TCIRG1: variants seen among roughly 807,000 people sequenced by gnomAD.
The protein encoded by TCIRG1 is V-type proton ATPase 116 kDa subunit a 3.
A neutral mutation model predicts 95.5 loss-of-function variants in TCIRG1; 86 were observed. The ratio of observed to expected loss-of-function variants is 0.90; its 90% CI spans 0.76 to 1.08. The LOEUF (loss-of-function observed/expected upper bound fraction) is 1.08, where lower values mean the gene tolerates loss of function less well. Among genes scored for constraint, TCIRG1 ranks in the 50% least tolerant of loss-of-function variants. The pLI, the probability that TCIRG1 is intolerant of heterozygous loss-of-function variation, is 0.00. For missense variants in TCIRG1, 1,069 were observed against 1,140.2 expected (o/e 0.94, Z 0.90); for synonymous variants, 499 against 501.3 (o/e 1.00, Z 0.06).
At chr11:68,042,345 C>G (rs1855208039) in intron 3 of TCIRG1, among the ~76,000 whole-genome samples, 1 of 152,212 alleles carries the variant, frequency 6.6e-6, no homozygotes, top group Non-Finnish European at 1.5e-5. Context: ...AATGATCAGG[C>G]AGACACAGGA....
rs1167323106 is a variant in TCIRG1 at position 68,048,859 on chromosome 11, C to T, written c.1555-20C>T. On this transcript the variant is annotated intron_variant, in intron 13 of 19. Transcript: ENST00000265686. ...GGCGAGGGAGCCCCTGAGTCCAGCC[C>T]ACCCCTGCTGCCACCCTAGATTTGG... 1 of 1,574,522 alleles carries T rather than the reference C, an allele frequency of 6.4e-7. No individual in the cohort carries two copies.
At chr11:68,045,788 C>T (rs992861638) in intron 10 of TCIRG1, among the ~76,000 whole-genome samples, 1 of 152,182 alleles carries the variant, frequency 6.6e-6, no homozygotes, top group Non-Finnish European at 1.5e-5. Context: ...CCCGACCTCA[C>T]GTGATCCACC....
chr11:68,043,247 G>A, intron 5 of TCIRG1, 124 bp from the exon 6 acceptor site: 1 of 1,479,780 alleles, frequency 6.8e-7, no homozygotes, highest in Non-Finnish European at 8.9e-7. Context: ...GCCTTCCCCT[G>A]TGGGCAGGGC....
At position 68,048,964 on chromosome 11, in the gene TCIRG1, C is replaced by T. The variant is rs1212925249; in HGVS notation, c.1640C>T (p.Ala547Val). 1 of 1,613,726 alleles carries T rather than the reference C, an allele frequency of 6.2e-7. No individual in the cohort carries two copies. Among genetic ancestry groups the T allele is most frequent in the East Asian group, 2.2e-5 (1 of 44,884 alleles). The change falls in exon 14 of 20, where the codon GCC (alanine) becomes GTC (valine). Residue 547 changes from alanine to valine, a missense_variant. Ala to Val is a moderately conservative substitution (Grantham distance 64, BLOSUM62 0). Coordinates refer to ENST00000265686, the MANE Select transcript of TCIRG1 (RefSeq NM_006019.4). Reference sequence around the variant, plus strand: ...GTCATCCTGGGCGTCGTGCACATGGCCTTTGGGGTGGTCCTCGGAGTCTTC... The same window carrying T: ...GTCATCCTGGGCGTCGTGCACATGGTCTTTGGGGTGGTCCTCGGAGTCTTC... The part of the protein sequence containing the change: ...MSVILGVVHM[A>V]FGVVLGVFNH...
chr11:68,053,742 A>G (rs1053534311), downstream of TCIRG1: 11 of 434,618 alleles, frequency 2.5e-5, no homozygotes, highest in Admixed American at 2.5e-4. Context: ...GGATTCAGAG[A>G]TGTTGCACTA....
intron 9 of TCIRG1, 83 bp downstream of exon 9, chr11:68,044,427 C>T (rs1855363639): frequency 1.7e-6 from 2 of 1,146,498 alleles, no homozygotes; most frequent in African/African-American, 3.1e-5. Flanking sequence ...CAGCCTCTGG[C>T]TCCCTGCACC....
chr11:68,052,068 G>A (rs769992586), downstream of TCIRG1: 2 of 152,598 alleles, frequency 1.3e-5, no homozygotes, highest in Non-Finnish European at 2.9e-5. Context: ...ATGGACATAG[G>A]GAGACATAGG....
chr11:68,044,340 G>T lies in TCIRG1; in HGVS notation c.1016G>T (p.Ser339Ile). Residue 339 changes from serine (S) to isoleucine (I), a missense_variant, in exon 9 of 20, where the codon AGC becomes ATC. Coordinates refer to ENST00000265686, the MANE Select transcript of TCIRG1 (RefSeq NM_006019.4). ...LPALQEALRD[S>I]SMEEGVSAVA... ...GCCCTGCAGGAGGCCCTGCGGGACA[G>T]CTCGGTGAGCAGCCTGAGGCCTCGC... 1 of 1,580,346 alleles carries T rather than the reference G, an allele frequency of 6.3e-7. No homozygotes were observed. Among genetic ancestry groups the T allele is most frequent in the South Asian group, 1.1e-5 (1 of 87,086 alleles).
At chr11:68,043,238 C>T in intron 5 of TCIRG1, 133 bp from the exon 6 acceptor site, 1 of 1,476,406 alleles carries the variant, frequency 6.8e-7, no homozygotes, top group Admixed American at 2.4e-5. Flanking sequence ...AGGCCTCCTG[C>T]CTTCCCCTGT....
rs1489993984 is a variant in TCIRG1, at chr11:68,047,543, C to T, written c.1276C>T (p.Arg426Ter). The change falls in exon 11 of 20, where the codon CGA becomes TGA. Residue 426 changes from arginine to a stop codon, truncating the protein, a stop_gained. Coordinates refer to ENST00000265686, the MANE Select transcript of TCIRG1 (RefSeq NM_006019.4). LOFTEE classifies it high-confidence loss of function. ...FALAMVLAENRPAVKAAQNEI... is the reference protein window; with the variant it reads ...FALAMVLAEN ...CCTGGCCATGGTCCTTGCGGAGAAC[C>T]GACCGGCTGTGAAGGCCGCGCAGAA... 11 of 1,613,796 alleles carry T rather than the reference C, an allele frequency of 6.8e-6. No individual in the cohort carries two copies. The highest frequency in any genetic ancestry group is 8.5e-6 in the Non-Finnish European group (10 of 1,180,014).
chr11:68,044,996 C>T lies in TCIRG1; in HGVS notation c.1059C>T (p.Pro353=), dbSNP rs1855403921. Residue 353 remains proline (P), a synonymous_variant, in exon 10 of 20, where the codon CCC becomes CCT. Coordinates refer to ENST00000265686, the MANE Select transcript of TCIRG1 (RefSeq NM_006019.4). ...TGAGTGCCGTGGCTCACCGCATCCC[C>T]TGCCGGGACATGCCCCCCACACTCA... ...EGVSAVAHRI[P]CRDMPPTLIR... 1 of 1,608,830 alleles carries T rather than the reference C, an allele frequency of 6.2e-7. No homozygotes were observed. The highest frequency in any genetic ancestry group is 1.3e-5 in the African/African-American group (1 of 74,956).
At chr11:68,045,904 C>T (rs1855459201) in intron 10 of TCIRG1, among the ~76,000 whole-genome samples, 1 of 152,202 alleles carries the variant, frequency 6.6e-6, no homozygotes, top group Admixed American at 6.5e-5. Flanking sequence ...GGCTCCACCA[C>T]ATCACACCCA....
intron 10 of TCIRG1, among the ~76,000 whole-genome samples, chr11:68,046,402 C>G (rs562338710): frequency 5.3e-5 from 8 of 152,286 alleles, no homozygotes; most frequent in Non-Finnish European, 1.2e-4. Context: ...CTGAGGCTGT[C>G]CAGGAAGATC....
intron 3 of TCIRG1, 48 bp from the exon 4 acceptor site, chr11:68,042,595 T>TCCC: frequency 1.4e-6 from 2 of 1,460,012 alleles, no homozygotes; most frequent in Non-Finnish European, 9.4e-7. Context: ...GGCCCTCAAC[T>TCCC]GTTGAGACAA....
Position 68,041,396 on chromosome 11 carries a change from G to T in TCIRG1, c.117+8G>T. 1 of 1,597,216 alleles carries T rather than the reference G, an allele frequency of 6.3e-7. No homozygotes were observed. ...CTCGTGGAGTTCAGAGACGTGAGTT[G>T]GGTGGGCAGGCGTGGGAAGGGGGCT... On this transcript the variant is annotated splice_region_variant and intron_variant, in intron 2 of 19. Transcript: ENST00000265686.
intron 2 of TCIRG1, 82 bp downstream of exon 2, chr11:68,041,470 C>A (rs999154250): frequency 6.7e-6 from 7 of 1,043,798 alleles, no homozygotes; most frequent in African/African-American, 1.6e-5. Flanking sequence ...ACTGCCCCCC[C>A]TCCGCCATAG....
rs3808973 is a variant in TCIRG1 at position 68,042,830 on chromosome 11, C to A, written c.384C>A (p.His128Gln). ...LRAQLHQLQL[H>Q]AAVLRQGHEP... ...CCCAGCTGCACCAGCTGCAGCTCCA[C>A]GCCGCCGTGCTACGCCAGGGCCATG... is the stretch of plus-strand genomic sequence containing the variant. The change falls in exon 4 of 20, where the codon CAC (histidine) becomes CAA (glutamine). Residue 128 changes from histidine to glutamine, a missense_variant. Physicochemically the swap from His to Gln is conservative, Grantham distance 24. Transcript: ENST00000265686. 4.0e-5 allele frequency: 62 copies of A among 1,548,648 alleles called. No homozygotes were observed. The Admixed American group carries it at 1.2e-3, about 29-fold the overall frequency.
Position 68,040,241 on chromosome 11 carries a change from GCCCAAGGTCACACA to G in TCIRG1, c.-4-1021_-4-1008del, listed in dbSNP as rs368391748. Reference sequence around the variant, plus strand: ...GAGGCACAGAGAGGGTGAGAGACTTGCCCAAGGTCACACACCCAATCTCAGCCTGGGCTCCAAGT... The same window carrying G: ...GAGGCACAGAGAGGGTGAGAGACTTGCCCAATCTCAGCCTGGGCTCCAAGT... On this transcript the variant is annotated intron_variant, in intron 1 of 19. Transcript: ENST00000265686. Among the ~76,000 whole-genome samples the G allele has an allele frequency of 2.6e-4, 40 of 152,302 alleles. 1 individual carries two copies. The East Asian group carries it at 5.6e-3, about 21-fold the overall frequency.
chr11:68,049,517 C>A, intron 15 of TCIRG1, 146 bp from the exon 16 acceptor site: 1 of 1,203,766 alleles, frequency 8.3e-7, no homozygotes, highest in Non-Finnish European at 1.2e-6. Context: ...GGAGGCAGAC[C>A]CTCACCCAGT....
Sources: allele counts gnomAD v4.1 joint callset (sites outside exome capture counted in the v4.1 genomes callset), GRCh38; gene constraint gnomAD v4.1.1; transcripts MANE v1.5; gene names NCBI Gene and HGNC (gene_info 2026-07-23, HGNC 2026-07-21).